SAMSN1: variants seen among roughly 807,000 people sequenced by gnomAD.
The protein encoded by SAMSN1 is SAM domain-containing protein SAMSN-1.
A neutral mutation model predicts 42.0 loss-of-function variants in SAMSN1; 31 were observed. The observed-to-expected ratio is 0.74, with a 90% CI of 0.55 to 1.00. The LOEUF (loss-of-function observed/expected upper bound fraction) is 1.00. Ranked by LOEUF, SAMSN1 falls within the 50% of genes least tolerant of loss-of-function variation. SAMSN1 has a pLI of 0.00. For missense variants in SAMSN1, 464 were observed against 439.4 expected, an observed-to-expected ratio of 1.06 and a Z score of -0.50; for synonymous variants, 178 against 151.9, an observed-to-expected ratio of 1.17 and a Z score of -1.26.
chr21:14,636,763 G>C (rs965657892), intron 2 of SAMSN1, among the ~76,000 whole-genome samples: 4 of 152,178 alleles, frequency 2.6e-5, no homozygotes, highest in South Asian at 2.1e-4. Context: ...GCGGTGGCGG[G>C]GTTGGGGGTG....
chr21:14,497,987 T>C (rs1057239183), intron 7 of SAMSN1, among the ~76,000 whole-genome samples: 2 of 152,224 alleles, frequency 1.3e-5, no homozygotes, highest in Non-Finnish European at 2.9e-5. Flanking sequence ...AAGAGTACTA[T>C]AAACATGTAC....
intron 4 of SAMSN1, among the ~76,000 whole-genome samples, chr21:14,511,285 G>T (rs1435999325): frequency 1.3e-5 from 2 of 152,136 alleles, no homozygotes; most frequent in Non-Finnish European, 2.9e-5. Context: ...TAAATTAAGT[G>T]GTATACAGTA....
intron 6 of SAMSN1, among the ~76,000 whole-genome samples, chr21:14,600,727 T>C (rs117809074): frequency 6.6e-6 from 1 of 152,300 alleles, no homozygotes; most frequent in East Asian, 1.9e-4. Context: ...GTAAACCAGC[T>C]GTTATTTTTC....
chr21:14,597,078 A>T (rs1341945013), intron 6 of SAMSN1, among the ~76,000 whole-genome samples: 1 of 152,070 alleles, frequency 6.6e-6, no homozygotes, highest in South Asian at 2.1e-4. Context: ...TGTCATACAT[A>T]AAGACTATCA....
chr21:14,621,383 C>A (rs1232858928), intron 2 of SAMSN1, among the ~76,000 whole-genome samples: 54 of 152,310 alleles, frequency 3.5e-4, no homozygotes, highest in Non-Finnish European at 4.4e-5. Flanking sequence ...ACCAGGGAAT[C>A]CTCTTTCCTA....
At chr21:14,534,551 T>G (rs548726456) in intron 1 of SAMSN1, among the ~76,000 whole-genome samples, 1 of 151,466 alleles carries the variant, frequency 6.6e-6, no homozygotes, top group African/African-American at 2.4e-5. Context: ...GGAGTCTCGC[T>G]GTCGCCCAGG....
intron 3 of SAMSN1, chr21:14,613,029 C>G: frequency 1.8e-6 from 1 of 542,900 alleles, no homozygotes. Context: ...CTACCTCTAA[C>G]CGAGGTCTAC....
At chr21:14,511,465 C>T (rs529203132) in intron 4 of SAMSN1, among the ~76,000 whole-genome samples, 43 of 152,266 alleles carry the variant, frequency 2.8e-4, no homozygotes, top group African/African-American at 9.9e-4. Context: ...GAATTTCATA[C>T]ATGCAAAAAA....
At chr21:14,574,193 C>G (rs1333200029) in intron 2 of SAMSN1, among the ~76,000 whole-genome samples, 2 of 152,124 alleles carry the variant, frequency 1.3e-5, no homozygotes, top group Non-Finnish European at 2.9e-5. Context: ...TATTGGGCCC[C>G]CACCTCAGAT....
chr21:14,568,132 G>T (rs745659606), intron 2 of SAMSN1, among the ~76,000 whole-genome samples: 2 of 152,120 alleles, frequency 1.3e-5, no homozygotes, highest in Admixed American at 6.5e-5. Flanking sequence ...GGGAAATACC[G>T]CTTTAGAACA....
At position 14,601,785 on chromosome 21, in the gene SAMSN1, G is replaced by GTA. The variant is rs1982438366; in HGVS notation, c.399+236_399+237dup. Among the ~76,000 whole-genome samples the GTA allele has an allele frequency of 3.3e-5, 5 of 152,244 alleles. No individual in the cohort carries two copies. In the South Asian group the frequency reaches 1.0e-3, roughly 32 times the overall value. ...TCCCAGAGTTACTTATCAAAAGGCT[G>GTA]TACAACATGATGTTTTGCAAAATCA... is the stretch of plus-strand genomic sequence containing the variant. On this transcript the variant is annotated intron_variant, in intron 6 of 15. Coordinates refer to the SAMSN1 transcript ENST00000647101.
chr21:14,619,422 A>T (rs1400968739), intron 2 of SAMSN1, among the ~76,000 whole-genome samples: 1 of 152,238 alleles, frequency 6.6e-6, no homozygotes, highest in East Asian at 1.9e-4. Flanking sequence ...TTTGACTTGA[A>T]AATGAAAAAA....
chr21:14,549,793 C>T (rs552985306), upstream of SAMSN1, among the ~76,000 whole-genome samples: 3 of 152,116 alleles, frequency 2.0e-5, no homozygotes, highest in South Asian at 2.1e-4. Context: ...TTGATAATTC[C>T]TCTCTTCTTT....
intron 2 of SAMSN1, among the ~76,000 whole-genome samples, chr21:14,626,856 A>C (rs543796037): frequency 7.4e-4 from 112 of 152,336 alleles, no homozygotes; most frequent in African/African-American, 2.6e-3. Context: ...TATTCACAAT[A>C]GCAAAGACTT....
upstream of SAMSN1, among the ~76,000 whole-genome samples, chr21:14,546,889 T>G (rs950850386): frequency 1.3e-5 from 2 of 151,986 alleles, no homozygotes; most frequent in Admixed American, 1.3e-4. Flanking sequence ...TTTTGTATTT[T>G]TAGTAGAGAT....
At chr21:14,516,399 GT>G (rs1354192481) in intron 3 of SAMSN1, among the ~76,000 whole-genome samples, 1 of 151,174 alleles carries the variant, frequency 6.6e-6, no homozygotes, top group African/African-American at 2.4e-5. Context: ...CTTTTTTTTT[GT>G]TTTGTTTTTT....
intron 4 of SAMSN1, among the ~76,000 whole-genome samples, chr21:14,611,092 ATTT>A: frequency 6.9e-6 from 1 of 145,582 alleles, no homozygotes; most frequent in South Asian, 2.2e-4. Context: ...GGATAGGCAC[ATTT>A]TTTTTTTTTT....
intron 1 of SAMSN1, among the ~76,000 whole-genome samples, chr21:14,534,393 G>C (rs1205890831): frequency 6.6e-6 from 1 of 152,084 alleles, no homozygotes; most frequent in African/African-American, 2.4e-5. Flanking sequence ...CTGATCCTCT[G>C]TTCTTGATGG....
Position 14,510,404 on chromosome 21 carries a change from T to A in SAMSN1, c.467A>T (p.Asp156Val). Residue 156 changes from aspartate (D) to valine (V), a missense_variant, in exon 5 of 8, where the codon GAC (aspartate) becomes GTC (valine). Physicochemically the swap from Asp to Val is radical, Grantham distance 152. Coordinates refer to ENST00000400566, the MANE Select transcript of SAMSN1 (RefSeq NM_022136.5). ...GAATGGTCCTGAATAGGGGCCATCGTCATCCAGTCGAAAGCTGTCCCGGTT... is the reference window on the plus strand; with the variant it reads ...GAATGGTCCTGAATAGGGGCCATCGACATCCAGTCGAAAGCTGTCCCGGTT... ...TSNRDSFRLD[D>V]DGPYSGPFCG... 1 of 1,614,188 alleles carries A rather than the reference T, an allele frequency of 6.2e-7. No homozygotes were observed. Among genetic ancestry groups the A allele is most frequent in the Non-Finnish European group, 8.5e-7 (1 of 1,180,010 alleles).
Sources: allele counts gnomAD v4.1 joint callset (sites outside exome capture counted in the v4.1 genomes callset), GRCh38; gene constraint gnomAD v4.1.1; transcripts MANE v1.5; gene names NCBI Gene and HGNC (gene_info 2026-07-23, HGNC 2026-07-21).